Variants in FRMD6 observed in about 807,000 individuals in gnomAD.
FRMD6 encodes FERM domain containing 6.
FRMD6 carries 37 observed loss-of-function variants against 73.2 expected under a neutral mutation model. That is an observed-to-expected ratio of 0.51 (90% CI 0.39 to 0.66). The LOEUF (loss-of-function observed/expected upper bound fraction) is 0.66. FRMD6 is among the 30% of genes least tolerant of loss of function. The probability of loss-of-function intolerance (pLI) is 0.00; values close to 1 mark genes in which losing one functional copy is unlikely to be tolerated. For synonymous variants in FRMD6, 273 were observed against 282.2 expected (o/e 0.97, Z 0.33); for missense variants, 714 against 780.5 (o/e 0.91, Z 1.02).
At chr14:51,588,243 G>A (rs929543680) in intron 2 of FRMD6, among the ~76,000 whole-genome samples, 69 of 151,326 alleles carry the variant, frequency 4.6e-4, no homozygotes, top group African/African-American at 1.6e-3. Flanking sequence ...TTGTTGTTCT[G>A]TTTTCTGTTA....
intron 7 of FRMD6, among the ~76,000 whole-genome samples, chr14:51,710,108 T>G (rs1376283093): frequency 6.6e-6 from 1 of 152,194 alleles, no homozygotes; most frequent in Non-Finnish European, 1.5e-5. Context: ...ATATCCCCAA[T>G]TTATCTTCTG....
intron 1 of FRMD6, among the ~76,000 whole-genome samples, chr14:51,559,938 C>T (rs1024729636): frequency 9.2e-5 from 14 of 152,106 alleles, no homozygotes; most frequent in South Asian, 4.1e-4. Context: ...CATTTCCAGG[C>T]GTGCCTAGAG....
At chr14:51,543,996 G>C (rs756482323) in intron 1 of FRMD6, among the ~76,000 whole-genome samples, 1 of 152,000 alleles carries the variant, frequency 6.6e-6, no homozygotes, top group Middle Eastern at 3.4e-3. Flanking sequence ...TCTTATTGGG[G>C]AAAGTTTCAA....
the FRMD6 span, among the ~76,000 whole-genome samples, chr14:51,418,629 G>C: frequency 1.3e-5 from 2 of 152,196 alleles, no homozygotes; most frequent in Non-Finnish European, 2.9e-5. Context: ...GCTACACGGG[G>C]GTCACGGACC....
chr14:51,581,507 A>G (rs1210388966), intron 2 of FRMD6, among the ~76,000 whole-genome samples: 1 of 152,224 alleles, frequency 6.6e-6, no homozygotes, highest in Admixed American at 6.5e-5. Context: ...GGAGGCATTT[A>G]CAGTGCATAT....
At chr14:51,429,375 A>C in the FRMD6 span, among the ~76,000 whole-genome samples, 1 of 152,172 alleles carries the variant, frequency 6.6e-6, no homozygotes, top group Non-Finnish European at 1.5e-5. Context: ...GGTGATTCTA[A>C]TGTGCAACCC....
upstream of FRMD6, chr14:51,651,193 A>C (rs557396133): frequency 6.6e-6 from 1 of 152,360 alleles, no homozygotes; most frequent in African/African-American, 2.4e-5. Flanking sequence ...AAACCACAGC[A>C]GACAGAGGCT....
At chr14:51,481,974 T>A in the FRMD6 span, among the ~76,000 whole-genome samples, 1 of 152,208 alleles carries the variant, frequency 6.6e-6, no homozygotes, top group Non-Finnish European at 1.5e-5. Flanking sequence ...ATAATTACAT[T>A]TCCCCCTGGG....
intron 1 of FRMD6, among the ~76,000 whole-genome samples, chr14:51,534,400 A>C (rs17124124): frequency 0.075 from 11,371 of 152,178 alleles, 538 homozygotes; most frequent in East Asian, 0.25. Flanking sequence ...GTTTCTTATG[A>C]TGGTTGATTT....
At chr14:51,702,409 G>T in intron 4 of FRMD6, 103 bp from the exon 5 acceptor site, 2 of 909,012 alleles carry the variant, frequency 2.2e-6, no homozygotes, top group South Asian at 2.9e-5. Context: ...ACCTATCAGT[G>T]ATCAAAAAGT....
the FRMD6 span, among the ~76,000 whole-genome samples, chr14:51,438,293 A>G: frequency 6.6e-6 from 1 of 152,218 alleles, no homozygotes; most frequent in African/African-American, 2.4e-5. Flanking sequence ...GTAGGATCTT[A>G]TTTGGAATTG....
chr14:51,711,810 A>G (rs569852884), intron 8 of FRMD6, among the ~76,000 whole-genome samples: 1 of 152,362 alleles, frequency 6.6e-6, no homozygotes, highest in South Asian at 2.1e-4. Flanking sequence ...ACAATAAGTA[A>G]TAAGAAATAA....
intron 1 of FRMD6, among the ~76,000 whole-genome samples, chr14:51,551,650 T>G (rs1886847261): frequency 6.6e-6 from 1 of 152,086 alleles, no homozygotes; most frequent in Non-Finnish European, 1.5e-5. Context: ...GGTGGAAGGA[T>G]GGCTTGAGCC....
intron 2 of FRMD6, among the ~76,000 whole-genome samples, chr14:51,608,657 C>A (rs1890363995): frequency 6.6e-6 from 1 of 152,116 alleles, no homozygotes. Flanking sequence ...CCCTAGTGTT[C>A]CCCAGGGATA....
At chr14:51,482,302 G>A in the FRMD6 span, among the ~76,000 whole-genome samples, 3 of 152,214 alleles carry the variant, frequency 2.0e-5, no homozygotes. Flanking sequence ...GCCTCCTGGA[G>A]CCAGCCCTCG....
At chr14:51,662,703 A>T (rs958883290) in intron 1 of FRMD6, among the ~76,000 whole-genome samples, 1 of 152,210 alleles carries the variant, frequency 6.6e-6, no homozygotes, top group Admixed American at 6.5e-5. Flanking sequence ...CTGGAAGACA[A>T]CCTAGGCAAT....
the FRMD6 span, among the ~76,000 whole-genome samples, chr14:51,443,958 T>TTTC: frequency 1.3e-5 from 2 of 151,306 alleles, no homozygotes; most frequent in Non-Finnish European, 2.9e-5. Context: ...TTTTTTTTTT[T>TTTC]CCTCTCGTTG....
chr14:51,447,904 C>T, the FRMD6 span, among the ~76,000 whole-genome samples: 3 of 152,156 alleles, frequency 2.0e-5, no homozygotes, highest in South Asian at 2.1e-4. Context: ...ATTGCTTTGA[C>T]GTCATATGAT....
At chr14:51,587,660 T>A (rs1889130759) in intron 2 of FRMD6, among the ~76,000 whole-genome samples, 1 of 152,130 alleles carries the variant, frequency 6.6e-6, no homozygotes, top group Non-Finnish European at 1.5e-5. Flanking sequence ...GTAATCTTAC[T>A]AAGAGCTGAT....
Sources: allele counts gnomAD v4.1 joint callset (sites outside exome capture counted in the v4.1 genomes callset), GRCh38; gene constraint gnomAD v4.1.1; transcripts MANE v1.5; gene names NCBI Gene and HGNC (gene_info 2026-07-23, HGNC 2026-07-21).